DDX10: variants seen among roughly 807,000 people sequenced by gnomAD.
DDX10 encodes the protein DEAD-box helicase 10.
DDX10 carries 74 observed loss-of-function variants against 104.3 expected under a neutral mutation model. The observed-to-expected ratio is 0.71, with a 90% CI of 0.59 to 0.86. DDX10 has a LOEUF of 0.86. DDX10 is among the 40% of genes least tolerant of loss of function. The pLI is 0.00. For synonymous variants in DDX10, 351 were observed against 353.4 expected (o/e 0.99, Z 0.08); for missense variants, 952 against 1,040.0 (o/e 0.92, Z 1.16).
chr11:108,783,798 A>C (rs1452636307), intron 13 of DDX10, among the ~76,000 whole-genome samples: 1 of 152,302 alleles, frequency 6.6e-6, no homozygotes, highest in East Asian at 1.9e-4. Flanking sequence ...GTACCCAATA[A>C]GTGCACGCCC....
At chr11:108,740,998 G>A (rs1234215840) in intron 13 of DDX10, among the ~76,000 whole-genome samples, 1 of 152,024 alleles carries the variant, frequency 6.6e-6, no homozygotes, top group African/African-American at 2.4e-5. Flanking sequence ...TGAGAAAGGG[G>A]GTCCAGTTCA....
intron 13 of DDX10, among the ~76,000 whole-genome samples, chr11:108,832,527 G>C (rs1463955098): frequency 6.6e-6 from 1 of 152,056 alleles, no homozygotes; most frequent in African/African-American, 2.4e-5. Flanking sequence ...TAATACAAAT[G>C]GTGCATAGAA....
At chr11:108,716,114 G>A in intron 11 of DDX10, 148 bp downstream of exon 11, 1 of 600,188 alleles carries the variant, frequency 1.7e-6, no homozygotes, top group East Asian at 3.1e-5. Flanking sequence ...TTTTTTTTTT[G>A]AGATGGAGTC....
At chr11:108,912,828 C>T (rs1339613542) in intron 16 of DDX10, among the ~76,000 whole-genome samples, 2 of 152,182 alleles carry the variant, frequency 1.3e-5, no homozygotes, top group Non-Finnish European at 2.9e-5. Flanking sequence ...CAGACTAAGG[C>T]ATGAGTGACT....
chr11:108,820,963 T>A (rs991536718), intron 13 of DDX10, among the ~76,000 whole-genome samples: 2 of 152,216 alleles, frequency 1.3e-5, no homozygotes, highest in Non-Finnish European at 2.9e-5. Context: ...AGTGTTACTC[T>A]CAAAGAAAAT....
intron 13 of DDX10, among the ~76,000 whole-genome samples, chr11:108,757,455 T>G (rs1189211918): frequency 6.6e-6 from 1 of 152,078 alleles, no homozygotes; most frequent in Non-Finnish European, 1.5e-5. Context: ...TTCTATTTAT[T>G]ATGATAATTT....
chr11:108,850,342 AT>A (rs1246892101), intron 15 of DDX10, among the ~76,000 whole-genome samples: 1 of 152,100 alleles, frequency 6.6e-6, no homozygotes, highest in Non-Finnish European at 1.5e-5. Flanking sequence ...AAAATTGTCC[AT>A]TTTTTTCTGC....
intron 13 of DDX10, among the ~76,000 whole-genome samples, chr11:108,798,241 T>G (rs1317290620): frequency 6.6e-6 from 1 of 152,222 alleles, no homozygotes; most frequent in Non-Finnish European, 1.5e-5. Context: ...TCCTCAGTTA[T>G]TCACCATTTC....
chr11:108,769,226 T>C (rs1027615300), intron 13 of DDX10, among the ~76,000 whole-genome samples: 12 of 152,014 alleles, frequency 7.9e-5, no homozygotes, highest in Admixed American at 2.0e-4. Flanking sequence ...CAACTTGATA[T>C]GTTTCCTTTG....
At chr11:108,730,121 A>C (rs918577777) in intron 13 of DDX10, 36 of 152,412 alleles carry the variant, frequency 2.4e-4, no homozygotes, top group African/African-American at 7.9e-4. Context: ...CCAGGAAAAC[A>C]ATAGTCCCTC....
intron 15 of DDX10, among the ~76,000 whole-genome samples, chr11:108,846,366 C>T (rs931983032): frequency 6.6e-6 from 1 of 151,892 alleles, no homozygotes; most frequent in African/African-American, 2.4e-5. Flanking sequence ...GAACTTATTC[C>T]TCCTGTCTGA....
intron 7 of DDX10, 66 bp from the exon 8 acceptor site, chr11:108,691,810 G>A (rs1390154910): frequency 6.8e-7 from 1 of 1,461,642 alleles, no homozygotes; most frequent in South Asian, 1.4e-5. Flanking sequence ...GGGATACGTT[G>A]ATAAGAGAAA....
At chr11:108,777,412 C>G (rs956610947) in intron 13 of DDX10, among the ~76,000 whole-genome samples, 1 of 152,096 alleles carries the variant, frequency 6.6e-6, no homozygotes, top group African/African-American at 2.4e-5. Context: ...TCACTGCAAC[C>G]TCTGCCTCCT....
rs1287365679 is a variant in DDX10 at position 108,829,652 on chromosome 11, CT to C, written c.1966-8791del. Among the ~76,000 whole-genome samples the C allele has an allele frequency of 2.0e-5, 3 of 152,166 alleles. No individual in the cohort carries two copies. In the East Asian group the frequency reaches 5.8e-4, roughly 29 times the overall value. On this transcript the variant is annotated intron_variant, in intron 13 of 17. Transcript: ENST00000322536. ...ATTTGCTTTTGGTTGGTCATAAAGTCTTTGCCTAAGCCAAGTCTAGAAGGGT... is the reference window on the plus strand; with the variant it reads ...ATTTGCTTTTGGTTGGTCATAAAGTCTTGCCTAAGCCAAGTCTAGAAGGGT...
At chr11:108,693,465 G>C (rs1363939856) in intron 8 of DDX10, 51 bp from the exon 9 acceptor site, 32 of 1,291,146 alleles carry the variant, frequency 2.5e-5, no homozygotes, top group Non-Finnish European at 3.6e-5. Flanking sequence ...AAATAGTGCA[G>C]CAGGGCAGAT....
chr11:108,852,656 C>T (rs961629410), intron 16 of DDX10, among the ~76,000 whole-genome samples: 2 of 152,196 alleles, frequency 1.3e-5, no homozygotes, highest in African/African-American at 4.8e-5. Context: ...AGGAGAAAAG[C>T]ATTCTGTATC....
chr11:108,760,628 A>G (rs1487352172), intron 13 of DDX10, among the ~76,000 whole-genome samples: 1 of 150,834 alleles, frequency 6.6e-6, no homozygotes, highest in African/African-American at 2.4e-5. Flanking sequence ...AAAATATAAG[A>G]TCATACTGGG....
intron 16 of DDX10, among the ~76,000 whole-genome samples, chr11:108,855,602 C>T (rs892202712): frequency 3.3e-5 from 5 of 151,948 alleles, no homozygotes; most frequent in African/African-American, 7.3e-5. Context: ...TGGGACTACA[C>T]GCATGTGCCA....
rs556826617 is a variant in DDX10 at position 108,778,003 on chromosome 11, C to T, written c.1965+54541C>T. Reference sequence around the variant, plus strand: ...AACTTACAAGGGATGCGAAGGACCTCTTCAAGGAGAACTACAAACCACTGC... The same window carrying T: ...AACTTACAAGGGATGCGAAGGACCTTTTCAAGGAGAACTACAAACCACTGC... On this transcript the variant is annotated intron_variant, in intron 13 of 17. Coordinates refer to ENST00000322536, the MANE Select transcript of DDX10 (RefSeq NM_004398.4). Among the ~76,000 whole-genome samples, 7 of 152,290 alleles carry T rather than the reference C, an allele frequency of 4.6e-5. 1 individual carries two copies. The South Asian group carries it at 1.5e-3, about 32-fold the overall frequency.
Sources: allele counts gnomAD v4.1 joint callset (sites outside exome capture counted in the v4.1 genomes callset), GRCh38; gene constraint gnomAD v4.1.1; transcripts MANE v1.5; gene names NCBI Gene and HGNC (gene_info 2026-07-23, HGNC 2026-07-21).